Variants in RELL1 observed in about 807,000 individuals in gnomAD.
RELL1 encodes the protein RELT-like protein 1.
Under a neutral mutation model 23.0 loss-of-function variants are expected in RELL1, and 10 were observed. That is an observed-to-expected ratio of 0.43 (90% CI 0.27 to 0.74). RELL1 has a LOEUF of 0.74. RELL1 is among the 30% of genes least tolerant of loss of function. The pLI is 0.19. For missense variants in RELL1, 315 were observed against 364.4 expected (o/e 0.86, Z 1.10); for synonymous variants, 146 against 146.8 (o/e 0.99, Z 0.04).
chr4:37,616,916 C>T (rs1159873530), intron 6 of RELL1, among the ~76,000 whole-genome samples: 2 of 152,180 alleles, frequency 1.3e-5, no homozygotes, highest in Non-Finnish European at 2.9e-5. Context: ...CTGCGTAGAT[C>T]GGCATCTTGG....
downstream of RELL1, chr4:37,589,972 G>A (rs1009473887): frequency 3.7e-6 from 3 of 811,410 alleles, no homozygotes; most frequent in Admixed American, 2.3e-5. Flanking sequence ...ACTTATCTAG[G>A]TTGAAAAGTA....
chr4:37,635,572 G>C (rs375684093), intron 4 of RELL1, among the ~76,000 whole-genome samples: 1 of 152,086 alleles, frequency 6.6e-6, no homozygotes, highest in Non-Finnish European at 1.5e-5. Flanking sequence ...GGTTGCAGTA[G>C]CTATGATTGT....
chr4:37,589,734 C>A (rs374115948), downstream of RELL1, among the ~76,000 whole-genome samples: 3 of 152,126 alleles, frequency 2.0e-5, no homozygotes, highest in Admixed American at 2.0e-4. Context: ...CAGGTTCAAG[C>A]GATTCTCCTA....
chr4:37,676,129 C>T (rs1722018453), intron 1 of RELL1, among the ~76,000 whole-genome samples: 1 of 152,142 alleles, frequency 6.6e-6, no homozygotes, highest in African/African-American at 2.4e-5. Context: ...CCATGCATGT[C>T]CCAACCCCAG....
At chr4:37,653,711 T>C (rs761082509) in intron 1 of RELL1, among the ~76,000 whole-genome samples, 3 of 152,154 alleles carry the variant, frequency 2.0e-5, no homozygotes, top group Non-Finnish European at 4.4e-5. Flanking sequence ...ACAGAATGTG[T>C]TGGGAATGAT....
intron 1 of RELL1, among the ~76,000 whole-genome samples, chr4:37,676,666 G>A (rs1011608419): frequency 6.6e-6 from 1 of 152,100 alleles, no homozygotes; most frequent in Non-Finnish European, 1.5e-5. Context: ...GAGCAATTTG[G>A]CCCACAGAGG....
intron 6 of RELL1, among the ~76,000 whole-genome samples, chr4:37,598,284 A>AAAC (rs869260737): frequency 8.5e-6 from 1 of 117,252 alleles, no homozygotes; most frequent in Non-Finnish European, 1.6e-5. Context: ...AAAAAAAAAA[A>AAAC]GTTTATAGGA....
At chr4:37,586,584 T>C (rs1718350100), downstream of RELL1, among the ~76,000 whole-genome samples, 1 of 152,176 alleles carries the variant, frequency 6.6e-6, no homozygotes, top group Admixed American at 6.5e-5. Context: ...TCTGTGCTGC[T>C]GCAGCAAATT....
At chr4:37,653,683 C>G (rs1188507781) in intron 1 of RELL1, among the ~76,000 whole-genome samples, 1 of 152,182 alleles carries the variant, frequency 6.6e-6, no homozygotes, top group Non-Finnish European at 1.5e-5. Context: ...TACATTTACA[C>G]TCTACTCTCC....
intron 6 of RELL1, among the ~76,000 whole-genome samples, chr4:37,596,196 G>A (rs1718840329): frequency 1.3e-5 from 2 of 152,260 alleles, no homozygotes; most frequent in East Asian, 1.9e-4. Flanking sequence ...GTTCCTTAAC[G>A]TTTCTGAGCC....
At chr4:37,596,661 A>G (rs1718854528) in intron 6 of RELL1, among the ~76,000 whole-genome samples, 1 of 143,180 alleles carries the variant, frequency 7.0e-6, no homozygotes, top group Non-Finnish European at 1.5e-5. Flanking sequence ...TTAGAAGATC[A>G]AATGAACTAG....
downstream of RELL1, among the ~76,000 whole-genome samples, chr4:37,587,106 AGT>A (rs1718376764): frequency 6.6e-6 from 1 of 152,104 alleles, no homozygotes; most frequent in Admixed American, 6.6e-5. Context: ...GGGGGCTGCC[AGT>A]ACTCTTGGTT....
intron 1 of RELL1, among the ~76,000 whole-genome samples, chr4:37,661,141 A>ATACC (rs1202448565): frequency 6.6e-6 from 1 of 152,186 alleles, no homozygotes; most frequent in Non-Finnish European, 1.5e-5. Flanking sequence ...CCACCTAGTT[A>ATACC]TACCTACTAG....
chr4:37,661,285 G>GTT (rs1721347107), intron 1 of RELL1, among the ~76,000 whole-genome samples: 1 of 151,934 alleles, frequency 6.6e-6, no homozygotes, highest in South Asian at 2.1e-4. Context: ...TTGTTTGTTT[G>GTT]TTTGTTTGTT....
chr4:37,613,989 G>A (rs17423188), intron 6 of RELL1, among the ~76,000 whole-genome samples: 28,767 of 152,182 alleles, frequency 0.19, 3,375 homozygotes, highest in Non-Finnish European at 0.26. Flanking sequence ...AGAGCTCCCC[G>A]TGTATGCTGA....
chr4:37,602,070 A>G (rs762167325), intron 6 of RELL1, among the ~76,000 whole-genome samples: 1 of 151,886 alleles, frequency 6.6e-6, no homozygotes, highest in Non-Finnish European at 1.5e-5. Context: ...AAAATAAAGT[A>G]GCTGAGCATG....
In RELL1 at chr4:37,611,280, C is replaced by A. The variant is rs148059948; in HGVS notation, c.*2066G>T. ...CATATATTATTTACACTAATACATA[C>A]CCCTAAAAGTCCTATATTGCTACTT... On this transcript the variant is annotated 3_prime_UTR_variant, in exon 7 of 7. Transcript: ENST00000454158. Among the ~76,000 whole-genome samples the A allele has an allele frequency of 3.9e-5, 6 of 152,264 alleles. No individual in the cohort carries two copies. The highest frequency in any genetic ancestry group is 1.3e-4 in the Admixed American group (2 of 15,286).
intron 6 of RELL1, among the ~76,000 whole-genome samples, chr4:37,598,252 CAAAAAAAAAAAAAAAAAAAAAAAAAAAAA>C (rs56142508): frequency 8.8e-5 from 1 of 11,336 alleles, no homozygotes. Flanking sequence ...AACTCTGTCT[CAAAAAAAAAAAAAAAAAAAAAAAAAAAAA>C]AAAGTTTATA....
At chr4:37,666,856 T>C (rs940932807) in intron 1 of RELL1, among the ~76,000 whole-genome samples, 5 of 152,160 alleles carry the variant, frequency 3.3e-5, no homozygotes, top group African/African-American at 1.2e-4. Flanking sequence ...AACGAAGGGT[T>C]TTCCAATTAG....
Sources: gnomAD v4.1 joint callset for allele counts (sites outside exome capture counted in the v4.1 genomes callset) on GRCh38, gnomAD v4.1.1 for gene constraint, MANE v1.5 for transcripts, NCBI Gene and HGNC (gene_info 2026-07-23, HGNC 2026-07-21) for gene names.